FAM135B: variants seen among roughly 807,000 people sequenced by gnomAD.
FAM135B encodes the protein family with sequence similarity 135 member B.
A neutral mutation model predicts 127.7 loss-of-function variants in FAM135B; 43 were observed. That is an observed-to-expected ratio of 0.34 (90% CI 0.26 to 0.43). The LOEUF (loss-of-function observed/expected upper bound fraction) is 0.43, where lower values mean the gene tolerates loss of function less well. Ranked by LOEUF, FAM135B falls within the 20% of genes least tolerant of loss-of-function variation. The pLI is 1.00. For missense variants in FAM135B, 1,558 were observed against 1,725.6 expected, an observed-to-expected ratio of 0.90 and a Z score of 1.72; for synonymous variants, 670 against 665.1, an observed-to-expected ratio of 1.01 and a Z score of -0.11.
Position 138,250,822 on chromosome 8 carries a change from C to T in FAM135B, c.542+19G>A, listed in dbSNP as rs2130482206. On this transcript the variant is annotated intron_variant, in intron 6 of 19. Coordinates refer to ENST00000395297, the MANE Select transcript of FAM135B (RefSeq NM_015912.4). ...GGAAGGTGGCTCCCACATATCAGGG[C>T]TGCCTCTGAACTTCATACCTGATCA... 6.2e-7 allele frequency: 1 copy of T among 1,612,252 alleles called. No homozygotes were observed. The highest frequency in any genetic ancestry group is 8.5e-7 in the Non-Finnish European group (1 of 1,179,256).
intron 2 of FAM135B, among the ~76,000 whole-genome samples, chr8:138,337,017 T>C (rs1377343991): frequency 6.6e-6 from 1 of 152,176 alleles, no homozygotes; most frequent in Non-Finnish European, 1.5e-5. Context: ...CATATGATTA[T>C]CTCAACAGAT....
intron 7 of FAM135B, among the ~76,000 whole-genome samples, chr8:138,231,845 A>C (rs1234235737): frequency 6.6e-6 from 1 of 152,198 alleles, no homozygotes; most frequent in Non-Finnish European, 1.5e-5. Context: ...TTTACCTAAC[A>C]TACTTATGTT....
intron 2 of FAM135B, among the ~76,000 whole-genome samples, chr8:138,314,868 AG>A (rs1238633071): frequency 1.5e-4 from 19 of 127,372 alleles, no homozygotes; most frequent in African/African-American, 5.9e-4. Context: ...TGTCAGGCGG[AG>A]ACCTTACCTC....
chr8:138,140,057 C>T (rs1280178947), intron 17 of FAM135B, among the ~76,000 whole-genome samples: 2 of 152,112 alleles, frequency 1.3e-5, no homozygotes, highest in African/African-American at 4.8e-5. Flanking sequence ...TGCAAGATTC[C>T]TTTATAACTG....
chr8:138,276,031 G>C (rs992344903), intron 3 of FAM135B, among the ~76,000 whole-genome samples: 3 of 152,290 alleles, frequency 2.0e-5, no homozygotes, highest in Admixed American at 2.0e-4. Flanking sequence ...ATGTCCTCAT[G>C]ATGACCCAGA....
intron 9 of FAM135B, among the ~76,000 whole-genome samples, chr8:138,192,325 C>A (rs898283921): frequency 2.6e-5 from 4 of 152,200 alleles, no homozygotes; most frequent in African/African-American, 9.6e-5. Context: ...GAGGAACTTG[C>A]TTTACAGTTT....
rs1820901191 is a variant in FAM135B at position 138,242,556 on chromosome 8, A to C, written c.669+386T>G. Among the ~76,000 whole-genome samples the C allele has an allele frequency of 2.6e-5, 4 of 152,158 alleles. No individual in the cohort carries two copies. On this transcript the variant is annotated intron_variant, in intron 7 of 19. Transcript: ENST00000395297. The surrounding 1 kb of genome is among the most constrained non-coding windows in gnomAD (Gnocchi z 9.6). ...GGGGAGCCCACTCTACAGGTGGGAA[A>C]ACTGATGTTCAGAGAGTGCACAAAT...
At chr8:138,414,119 C>CATATATATATATATATATATATATAT (rs60918986) in intron 1 of FAM135B, among the ~76,000 whole-genome samples, 1,658 of 123,902 alleles carry the variant, frequency 0.013, 50 homozygotes, top group Non-Finnish European at 0.015. Context: ...CACACAAATA[C>CATATATATATATATATATATATATAT]ATATATATAT....
chr8:138,486,398 A>C (rs574223887), intron 1 of FAM135B, among the ~76,000 whole-genome samples: 6 of 152,204 alleles, frequency 3.9e-5, no homozygotes, highest in South Asian at 4.1e-4. Context: ...CTGTAATTGA[A>C]ATACTAATTA....
At chr8:138,217,053 A>C (rs367577270) in intron 7 of FAM135B, among the ~76,000 whole-genome samples, 1 of 152,292 alleles carries the variant, frequency 6.6e-6, no homozygotes, top group Admixed American at 6.5e-5. Flanking sequence ...GCTGCGAGGG[A>C]TAAGTGAGAT....
At position 138,169,398 on chromosome 8, in the gene FAM135B, AT is replaced by A. The variant is rs200307849; in HGVS notation, c.1104-1350del. Among the ~76,000 whole-genome samples the A allele has an allele frequency of 4.1e-3, 586 of 141,334 alleles. 7 individuals carry two copies. Among genetic ancestry groups the A allele is most frequent in the African/African-American group, 0.017 (544 of 32,634 alleles). The allele number at this position is 141,334 out of a possible 152,430, so 92.7% of individuals were successfully genotyped here. A position where few individuals can be genotyped will look rare whatever the true frequency, so the allele number is the denominator to read the frequency against. On this transcript the variant is annotated intron_variant, in intron 11 of 19. Transcript: ENST00000395297. The stretch of plus-strand genomic sequence containing the variant: ...ACTCTTTAAATGTTCTTCTCTGAAT[AT>A]TTAACTCTTTAAATGTTCTCTGAAT...
chr8:138,299,607 A>ACACC (rs1554658768), intron 3 of FAM135B, among the ~76,000 whole-genome samples: 30 of 152,066 alleles, frequency 2.0e-4, no homozygotes, highest in African/African-American at 4.6e-4. Context: ...ACACACACAC[A>ACACC]CCCACGATCC....
At chr8:138,323,608 G>A (rs970968838) in intron 2 of FAM135B, among the ~76,000 whole-genome samples, 4 of 152,192 alleles carry the variant, frequency 2.6e-5, no homozygotes, top group African/African-American at 9.7e-5. Flanking sequence ...TGGTTGTGCT[G>A]TCTACTTCTG....
chr8:138,260,990 T>A (rs1830308896), intron 4 of FAM135B, among the ~76,000 whole-genome samples: 1 of 152,166 alleles, frequency 6.6e-6, no homozygotes, highest in African/African-American at 2.4e-5. Context: ...AACAATGCTT[T>A]CTTTCCCAAA....
Position 138,146,552 on chromosome 8 carries a change from CTG to C in FAM135B, c.3449-504_3449-503del, listed in dbSNP as rs533326462. ...GCACAGTTATCTAAATAGAATAGGA[CTG>C]TCTCTTGGGAACAAGAGACATGGCA... On this transcript the variant is annotated intron_variant, in intron 14 of 19. Transcript: ENST00000395297. 2.5e-3 allele frequency among the ~76,000 whole-genome samples: 375 copies of C among 152,264 alleles called. 1 individual carries two copies. The highest frequency in any genetic ancestry group is 8.5e-3 in the African/African-American group (354 of 41,566).
chr8:138,242,567 A>G lies in FAM135B; in HGVS notation c.669+375T>C, dbSNP rs559380073. ...TCTACAGGTGGGAAAACTGATGTTC[A>G]GAGAGTGCACAAATGAAAGCGGGAG... is the stretch of plus-strand genomic sequence containing the variant. On this transcript the variant is annotated intron_variant, in intron 7 of 19. Coordinates refer to ENST00000395297, the MANE Select transcript of FAM135B (RefSeq NM_015912.4). The surrounding 1 kb of genome is among the most constrained non-coding windows in gnomAD (Gnocchi z 9.6). 3.9e-5 allele frequency among the ~76,000 whole-genome samples: 6 copies of G among 152,294 alleles called. No homozygotes were observed. The East Asian group carries it at 1.2e-3, about 29-fold the overall frequency.
intron 1 of FAM135B, among the ~76,000 whole-genome samples, chr8:138,394,662 C>T (rs192995182): frequency 1.1e-3 from 173 of 152,236 alleles, no homozygotes; most frequent in Non-Finnish European, 2.1e-3. Flanking sequence ...TGGAGTCTCT[C>T]CCATGTTCTG....
At chr8:138,307,993 T>G (rs1351348535) in intron 3 of FAM135B, among the ~76,000 whole-genome samples, 1 of 152,172 alleles carries the variant, frequency 6.6e-6, no homozygotes, top group Non-Finnish European at 1.5e-5. Context: ...TTTCCTCCCA[T>G]CACTGTACAT....
chr8:138,422,297 T>A (rs769269103), intron 1 of FAM135B, among the ~76,000 whole-genome samples: 16 of 152,132 alleles, frequency 1.1e-4, no homozygotes, highest in Non-Finnish European at 2.2e-4. Context: ...AAAAAGCTAC[T>A]GCACAGCAAA....
Sources: allele counts gnomAD v4.1 joint callset (sites outside exome capture counted in the v4.1 genomes callset), GRCh38; gene constraint gnomAD v4.1.1; non-coding constraint Gnocchi (gnomAD v3.1); transcripts MANE v1.5; gene names NCBI Gene and HGNC (gene_info 2026-07-23, HGNC 2026-07-21).